The following PCDHA6 variants were observed in gnomAD, a reference collection of about 807,000 sequenced individuals.
PCDHA6 encodes the protein protocadherin alpha 6, also known as protocadherin alpha-6.
Under a neutral mutation model 60.3 loss-of-function variants are expected in PCDHA6, and 55 were observed. The ratio of observed to expected loss-of-function variants is 0.91; its 90% CI spans 0.73 to 1.14. The LOEUF (loss-of-function observed/expected upper bound fraction) is 1.14. Ranked by LOEUF, PCDHA6 falls within the 50% of genes most tolerant of loss-of-function variation. The pLI is 0.00. For missense variants in PCDHA6, 1,327 were observed against 1,256.5 expected (o/e 1.06, Z -0.85); for synonymous variants, 652 against 557.9 (o/e 1.17, Z -2.38).
chr5:140,925,124 A>AGGAAGGAAGGAAGGAAGGAAGGAAGG, intron 1 of PCDHA6, among the ~76,000 whole-genome samples: 1 of 151,856 alleles, frequency 6.6e-6, no homozygotes, highest in Non-Finnish European at 1.5e-5. Flanking sequence ...GAAGGAAGGA[A>AGGAAGGAAGGAAGGAAGGAAGGAAGG]AAAAAATTTC....
intron 1 of PCDHA6, chr5:140,967,025 C>A: frequency 1.2e-6 from 2 of 1,608,362 alleles, no homozygotes; most frequent in Non-Finnish European, 8.5e-7. Flanking sequence ...TGCGCCCAGT[C>A]CGCGCTACCT....
chr5:140,966,767 A>G, intron 1 of PCDHA6: 1 of 1,484,362 alleles, frequency 6.7e-7, no homozygotes, highest in Non-Finnish European at 8.9e-7. Context: ...GCCAGTGGCT[A>G]TGGAGCAGGC....
At chr5:140,832,341 G>A (rs1771938364) in intron 1 of PCDHA6, among the ~76,000 whole-genome samples, 1 of 152,184 alleles carries the variant, frequency 6.6e-6, no homozygotes, top group South Asian at 2.1e-4. Flanking sequence ...CTGAGTTGTG[G>A]TTTGTGTTTC....
At chr5:140,834,565 C>T (rs2150221167) in intron 1 of PCDHA6, 4 of 1,614,086 alleles carry the variant, frequency 2.5e-6, no homozygotes, top group Admixed American at 1.7e-5. Flanking sequence ...GAGCTGGTGC[C>T]GCGCCTGTTC....
chr5:140,891,635 G>A (rs1266162781), intron 1 of PCDHA6, among the ~76,000 whole-genome samples: 3 of 151,868 alleles, frequency 2.0e-5, no homozygotes, highest in African/African-American at 7.3e-5. Context: ...TTTGCTCTTT[G>A]GGCTTTATTG....
chr5:140,888,533 T>C (rs2061866119), intron 1 of PCDHA6, among the ~76,000 whole-genome samples: 1 of 152,228 alleles, frequency 6.6e-6, no homozygotes, highest in South Asian at 2.1e-4. Flanking sequence ...TGAAGTTAAG[T>C]TGCTCAGTAC....
At chr5:140,848,904 CAAA>C in intron 1 of PCDHA6, 1 of 1,608,060 alleles carries the variant, frequency 6.2e-7, no homozygotes, top group Non-Finnish European at 8.5e-7. Context: ...CCCAGCGACA[CAAA>C]AGAATCTGTT....
At chr5:140,876,283 G>A in intron 1 of PCDHA6, 1 of 1,614,056 alleles carries the variant, frequency 6.2e-7, no homozygotes. Flanking sequence ...CGATCCAGAC[G>A]AAGGACTTAA....
intron 1 of PCDHA6, chr5:140,866,939 C>A (rs2049664187): frequency 6.6e-6 from 1 of 152,126 alleles, no homozygotes; most frequent in Admixed American, 6.6e-5. Context: ...ATAATCTCTT[C>A]ACTAGGGGCT....
rs2150163172 is a variant in PCDHA6, at chr5:140,829,160, T to C, written c.1069T>C (p.Leu357=). ...TGAGATAGCACTGACTTCCTTATCC[T>C]TGCCTGTACGTGAAGACGCTCAATT... ...VPEIALTSLS[L]PVREDAQFGT... Residue 357 remains leucine, a synonymous_variant, in exon 1 of 4, where the codon TTG becomes CTG. Transcript: ENST00000529310. 3 of 1,613,966 alleles carry C rather than the reference T, an allele frequency of 1.9e-6. No individual in the cohort carries two copies. The highest frequency in any genetic ancestry group is 2.5e-6 in the Non-Finnish European group (3 of 1,179,936).
intron 1 of PCDHA6, among the ~76,000 whole-genome samples, chr5:140,941,214 C>CCTTCCTTTCTTTCTTTCTTTCTTT (rs1554214040): frequency 1.1e-4 from 13 of 122,412 alleles, no homozygotes; most frequent in Non-Finnish European, 1.5e-4. Flanking sequence ...TTTCTTTCTT[C>CCTTCCTTTCTTTCTTTCTTTCTTT]CTTTCTTTCT....
chr5:140,923,297 G>C (rs1554201355), intron 1 of PCDHA6, among the ~76,000 whole-genome samples: 1 of 152,186 alleles, frequency 6.6e-6, no homozygotes, highest in African/African-American at 2.4e-5. Flanking sequence ...AATTAGCTGG[G>C]CGTGGGGGCG....
intron 1 of PCDHA6, chr5:140,927,642 T>A: frequency 6.2e-7 from 1 of 1,614,156 alleles, no homozygotes; most frequent in Non-Finnish European, 8.5e-7. Flanking sequence ...CCAATGGGAC[T>A]GTGTTATTCC....
chr5:140,841,559 C>A, intron 1 of PCDHA6: 1 of 1,613,852 alleles, frequency 6.2e-7, no homozygotes, highest in Non-Finnish European at 8.5e-7. Flanking sequence ...GGTAAGTCTG[C>A]AGAATGGCAT....
intron 1 of PCDHA6, among the ~76,000 whole-genome samples, chr5:140,922,956 T>G (rs2081088317): frequency 6.6e-6 from 1 of 152,236 alleles, no homozygotes; most frequent in Non-Finnish European, 1.5e-5. Context: ...CCAGTTTGTC[T>G]TCAGCCAGTG....
chr5:140,883,581 C>T (rs144119560), intron 1 of PCDHA6: 1 of 1,614,018 alleles, frequency 6.2e-7, no homozygotes, highest in Non-Finnish European at 8.5e-7. Flanking sequence ...CTGTGGGCCA[C>T]GGCCAGCGTG....
At position 141,012,179 on chromosome 5, in the gene PCDHA6, T is replaced by C. The variant is rs2098423152; in HGVS notation, c.*2242T>C. ...GGGCTAATTTATTAATGATGATAAT[T>C]ATAATGTATCTGTACAGCACTTTTT... is the stretch of plus-strand genomic sequence containing the variant. On this transcript the variant is annotated 3_prime_UTR_variant, in exon 4 of 4. Coordinates refer to ENST00000529310, the MANE Select transcript of PCDHA6 (RefSeq NM_018909.4). 1 of 153,764 alleles carries C rather than the reference T, an allele frequency of 6.5e-6. No individual in the cohort carries two copies. Among genetic ancestry groups the C allele is most frequent in the South Asian group, 2.1e-4 (1 of 4,828 alleles). 9.5% of individuals were successfully genotyped at this position (153,764 alleles called of 1,614,324 possible). A position where few individuals can be genotyped will look rare whatever the true frequency, so the allele number is the denominator to read the frequency against.
intron 1 of PCDHA6, chr5:140,835,675 G>C (rs2150241595): frequency 6.2e-7 from 1 of 1,613,918 alleles, no homozygotes; most frequent in South Asian, 1.1e-5. Context: ...CGGGACGGGG[G>C]CTCGCCTTCT....
intron 1 of PCDHA6, among the ~76,000 whole-genome samples, chr5:140,956,583 C>T (rs155799): frequency 0.28 from 42,736 of 152,052 alleles, 6,865 homozygotes; most frequent in East Asian, 0.53. Context: ...TGCATTGATG[C>T]TTATCAGGGA....
Sources: gnomAD v4.1 joint callset for allele counts (sites outside exome capture counted in the v4.1 genomes callset) on GRCh38, gnomAD v4.1.1 for gene constraint, MANE v1.5 for transcripts, NCBI Gene and HGNC (gene_info 2026-07-23, HGNC 2026-07-21) for gene names.